Variants in AK5 observed in about 807,000 individuals in gnomAD.
AK5 encodes adenylate kinase 5, also known as adenylate kinase isoenzyme 5.
A neutral mutation model predicts 69.5 loss-of-function variants in AK5; 27 were observed. The ratio of observed to expected loss-of-function variants is 0.39; its 90% CI spans 0.29 to 0.54. AK5 has a LOEUF of 0.54. Among genes scored for constraint, AK5 ranks in the 20% least tolerant of loss-of-function variants. The pLI is 0.71. For synonymous variants in AK5, 260 were observed against 244.4 expected, an observed-to-expected ratio of 1.06 and a Z score of -0.60; for missense variants, 531 against 700.4, an observed-to-expected ratio of 0.76 and a Z score of 2.73.
chr1:77,491,701 C>T (rs538935758), intron 10 of AK5, among the ~76,000 whole-genome samples: 110 of 152,308 alleles, frequency 7.2e-4, no homozygotes, highest in African/African-American at 2.6e-3. Flanking sequence ...TGAAAGAACT[C>T]GGATTATTTT....
At chr1:77,409,031 G>A (rs1175366945) in intron 6 of AK5, among the ~76,000 whole-genome samples, 1 of 152,144 alleles carries the variant, frequency 6.6e-6, no homozygotes, top group Non-Finnish European at 1.5e-5. Context: ...TTCTGTTCCT[G>A]CATTAGTTTT....
At chr1:77,463,544 G>A (rs1653961937) in intron 8 of AK5, among the ~76,000 whole-genome samples, 1 of 142,586 alleles carries the variant, frequency 7.0e-6, no homozygotes, top group Non-Finnish European at 1.5e-5. Context: ...TCTTTAGGTT[G>A]TAAGACACAA....
At chr1:77,367,621 T>TATATATATGTA (rs1557533063) in intron 6 of AK5, among the ~76,000 whole-genome samples, 1 of 57,360 alleles carries the variant, frequency 1.7e-5, no homozygotes, top group African/African-American at 1.1e-4. Context: ...ATATATATGT[T>TATATATATGTA]ATATATGTAA....
Position 77,340,367 on chromosome 1 carries a change from C to A in AK5, c.700-10C>A. 1 of 1,606,874 alleles carries A rather than the reference C, an allele frequency of 6.2e-7. No individual in the cohort carries two copies. Among genetic ancestry groups the A allele is most frequent in the South Asian group, 1.1e-5 (1 of 90,224 alleles). ...TTGAATGCCTCTCTATTTGTTGATG[C>A]TCTCCACAGATCTGTACCCCCGATT... On this transcript the variant is annotated splice_polypyrimidine_tract_variant and intron_variant, in intron 5 of 13. Transcript: ENST00000354567.
intron 12 of AK5, among the ~76,000 whole-genome samples, chr1:77,532,686 A>C (rs959136781): frequency 6.6e-6 from 1 of 152,214 alleles, no homozygotes; most frequent in Admixed American, 6.5e-5. Flanking sequence ...AATGTTGCTG[A>C]TGGCATCTCA....
intron 6 of AK5, among the ~76,000 whole-genome samples, chr1:77,351,648 CTTT>C (rs1169721403): frequency 2.6e-5 from 4 of 152,236 alleles, no homozygotes; most frequent in African/African-American, 9.6e-5. Context: ...CAGCTATTGC[CTTT>C]CTTTAGGAAA....
chr1:77,431,142 A>G (rs879798742), intron 8 of AK5, among the ~76,000 whole-genome samples: 24 of 152,196 alleles, frequency 1.6e-4, no homozygotes, highest in Non-Finnish European at 7.3e-5. Flanking sequence ...AGGCAAAGCC[A>G]TCTGTTGAGA....
chr1:77,391,662 A>G (rs935901916), intron 6 of AK5, among the ~76,000 whole-genome samples: 1 of 151,732 alleles, frequency 6.6e-6, no homozygotes, highest in Non-Finnish European at 1.5e-5. Context: ...AATCATAATA[A>G]TAACCAGCAT....
intron 6 of AK5, among the ~76,000 whole-genome samples, chr1:77,350,495 G>A (rs1186260920): frequency 6.6e-6 from 1 of 152,320 alleles, no homozygotes; most frequent in East Asian, 1.9e-4. Flanking sequence ...GAGCATGGGA[G>A]TGACACAGCT....
chr1:77,451,681 C>T (rs1230480963), intron 8 of AK5, among the ~76,000 whole-genome samples: 2 of 152,162 alleles, frequency 1.3e-5, no homozygotes, highest in Non-Finnish European at 2.9e-5. Context: ...ATGACAGTAA[C>T]GTCAGTCTCT....
intron 12 of AK5, among the ~76,000 whole-genome samples, chr1:77,525,057 C>T (rs990128952): frequency 3.3e-5 from 5 of 152,162 alleles, no homozygotes; most frequent in Non-Finnish European, 7.4e-5. Flanking sequence ...CAGGCACATG[C>T]CACCACGCCT....
intron 6 of AK5, among the ~76,000 whole-genome samples, chr1:77,398,811 G>C (rs1649002061): frequency 6.6e-6 from 1 of 152,156 alleles, no homozygotes; most frequent in Non-Finnish European, 1.5e-5. Context: ...CATCTCCAAT[G>C]ATCAGTCTAA....
At chr1:77,339,342 G>A (rs1299215455) in intron 5 of AK5, among the ~76,000 whole-genome samples, 2 of 152,122 alleles carry the variant, frequency 1.3e-5, no homozygotes, top group East Asian at 1.9e-4. Context: ...TCATATAGTC[G>A]TGCTATGTTT....
At chr1:77,431,979 G>T (rs977808887) in intron 8 of AK5, among the ~76,000 whole-genome samples, 1 of 152,170 alleles carries the variant, frequency 6.6e-6, no homozygotes, top group African/African-American at 2.4e-5. Flanking sequence ...GGTTGTGATG[G>T]CCTTTGTGTG....
chr1:77,287,216 T>G, intron 2 of AK5, 89 bp downstream of exon 2: 7 of 969,560 alleles, frequency 7.2e-6, no homozygotes, highest in Middle Eastern at 2.8e-4. Context: ...GTGATTTCAT[T>G]TTTTGAGTTT....
intron 8 of AK5, among the ~76,000 whole-genome samples, chr1:77,421,462 T>A (rs920865704): frequency 6.6e-6 from 1 of 152,182 alleles, no homozygotes; most frequent in African/African-American, 2.4e-5. Context: ...ATCTGAGAGC[T>A]TTCCTTCCAG....
chr1:77,518,190 C>A (rs1001803892), intron 10 of AK5, among the ~76,000 whole-genome samples: 1 of 152,178 alleles, frequency 6.6e-6, no homozygotes, highest in Non-Finnish European at 1.5e-5. Context: ...TCCAAGGAAA[C>A]TTTTCTGACT....
At chr1:77,336,313 C>T (rs1661359694) in intron 5 of AK5, among the ~76,000 whole-genome samples, 1 of 152,076 alleles carries the variant, frequency 6.6e-6, no homozygotes, top group South Asian at 2.1e-4. Flanking sequence ...ATCTCTTAAC[C>T]TCATGATCTG....
intron 8 of AK5, among the ~76,000 whole-genome samples, chr1:77,472,468 C>G (rs1300274349): frequency 6.6e-6 from 1 of 152,138 alleles, no homozygotes; most frequent in Non-Finnish European, 1.5e-5. Flanking sequence ...TTTTTCACAT[C>G]CTCTTGGCCC....
Sources: allele counts gnomAD v4.1 joint callset (sites outside exome capture counted in the v4.1 genomes callset), GRCh38; gene constraint gnomAD v4.1.1; transcripts MANE v1.5; gene names NCBI Gene and HGNC (gene_info 2026-07-23, HGNC 2026-07-21).